Variants in OVCH1 observed in about 807,000 individuals in gnomAD.
OVCH1 encodes ovochymase-1.
A neutral mutation model predicts 138.4 loss-of-function variants in OVCH1; 139 were observed. The ratio of observed to expected loss-of-function variants is 1.00; its 90% CI spans 0.87 to 1.16. OVCH1 has a LOEUF of 1.16. Among genes scored for constraint, OVCH1 ranks in the 50% most tolerant of loss-of-function variants. The pLI, the probability that OVCH1 is intolerant of heterozygous loss-of-function variation, is 0.00. For synonymous variants in OVCH1, 453 were observed against 467.8 expected, an observed-to-expected ratio of 0.97 and a Z score of 0.41; for missense variants, 1,367 against 1,357.9, an observed-to-expected ratio of 1.01 and a Z score of -0.11.
chr12:29,459,492 G>A (rs7953181), intron 19 of OVCH1, among the ~76,000 whole-genome samples: 20,565 of 152,124 alleles, frequency 0.14, 1,381 homozygotes, highest in African/African-American at 0.14. Flanking sequence ...GCTGGGAAGT[G>A]TAGTGGGTGA....
intron 22 of OVCH1, among the ~76,000 whole-genome samples, chr12:29,449,276 T>TCC (rs1555144654): frequency 7.3e-6 from 1 of 137,340 alleles, no homozygotes. Flanking sequence ...CCCCCCTCCC[T>TCC]ACACACACAC....
chr12:29,428,166 C>T (rs1221607889), intron 27 of OVCH1, among the ~76,000 whole-genome samples: 1 of 152,104 alleles, frequency 6.6e-6, no homozygotes, highest in African/African-American at 2.4e-5. Flanking sequence ...CACCAAAATA[C>T]CACTCTCCTC....
At chr12:29,457,321 T>C (rs540909222) in intron 19 of OVCH1, among the ~76,000 whole-genome samples, 47 of 151,902 alleles carry the variant, frequency 3.1e-4, no homozygotes, top group Non-Finnish European at 1.2e-4. Context: ...ACCTGTTCAA[T>C]TTATCTCTTT....
chr12:29,426,927 T>A (rs952157540), downstream of OVCH1, among the ~76,000 whole-genome samples: 2 of 152,210 alleles, frequency 1.3e-5, no homozygotes, highest in African/African-American at 4.8e-5. Flanking sequence ...TTTTAACTAA[T>A]TTACATTTAA....
intron 22 of OVCH1, 107 bp from the exon 23 acceptor site, chr12:29,445,510 C>T (rs1941589834): frequency 6.2e-6 from 7 of 1,122,928 alleles, no homozygotes; most frequent in Non-Finnish European, 8.7e-6. Flanking sequence ...GGAATTGATT[C>T]CATTCTGTAA....
intron 3 of OVCH1, among the ~76,000 whole-genome samples, chr12:29,417,162 G>C (rs889947592): frequency 1.3e-5 from 2 of 152,048 alleles, no homozygotes; most frequent in African/African-American, 4.8e-5. Context: ...TGGTTGCCAG[G>C]GATCTGGGAA....
chr12:29,449,599 T>C (rs1941721121), intron 22 of OVCH1, among the ~76,000 whole-genome samples: 1 of 152,170 alleles, frequency 6.6e-6, no homozygotes, highest in South Asian at 2.1e-4. Flanking sequence ...CTTGTATTCC[T>C]AGGTATTTTA....
At chr12:29,488,092 C>G (rs1943164325) in intron 6 of OVCH1, among the ~76,000 whole-genome samples, 1 of 152,010 alleles carries the variant, frequency 6.6e-6, no homozygotes. Context: ...GATAAAATCT[C>G]TTTATACCTA....
At chr12:29,429,875 A>C (rs999421811) in intron 27 of OVCH1, among the ~76,000 whole-genome samples, 2 of 152,238 alleles carry the variant, frequency 1.3e-5, no homozygotes, top group Non-Finnish European at 2.9e-5. Context: ...AGCATACTTT[A>C]TTAATTCCTA....
chr12:29,491,327 G>C, intron 4 of OVCH1, 135 bp from the exon 5 acceptor site: 1 of 729,438 alleles, frequency 1.4e-6, no homozygotes, highest in Non-Finnish European at 2.2e-6. Flanking sequence ...TTAAGTTTTG[G>C]CCCCTCCATA....
chr12:29,476,786 CACACACACA>C, intron 12 of OVCH1, among the ~76,000 whole-genome samples: 1 of 137,044 alleles, frequency 7.3e-6, no homozygotes, highest in South Asian at 2.4e-4. Flanking sequence ...CACACACACA[CACACACACA>C]CACACACACA....
downstream of OVCH1, chr12:29,423,413 A>G (rs1482564137): frequency 2.6e-6 from 1 of 388,058 alleles, no homozygotes; most frequent in East Asian, 7.3e-5. Flanking sequence ...CAAAAGAATG[A>G]TTGTCAGGAA....
intron 3 of OVCH1, among the ~76,000 whole-genome samples, chr12:29,414,317 C>T (rs1478755956): frequency 6.6e-6 from 1 of 152,136 alleles, no homozygotes; most frequent in African/African-American, 2.4e-5. Flanking sequence ...TAAGAGTGTC[C>T]AGCCTGCCAA....
At chr12:29,426,699 A>G (rs959704383), downstream of OVCH1, among the ~76,000 whole-genome samples, 2 of 152,162 alleles carry the variant, frequency 1.3e-5, no homozygotes, top group Non-Finnish European at 2.9e-5. Context: ...TCAATCCATC[A>G]GGAAATCCTC....
chr12:29,407,752 C>T (rs992703003), downstream of OVCH1, among the ~76,000 whole-genome samples: 2 of 151,758 alleles, frequency 1.3e-5, no homozygotes, highest in East Asian at 1.9e-4. Context: ...ATGCCTCCAG[C>T]TTTGTTCTTT....
At chr12:29,413,765 T>C (rs1940994464) in intron 3 of OVCH1, among the ~76,000 whole-genome samples, 1 of 152,218 alleles carries the variant, frequency 6.6e-6, no homozygotes, top group Non-Finnish European at 1.5e-5. Context: ...CTATCTGCTA[T>C]CCTGGATCAT....
chr12:29,414,653 T>C (rs1418213987), intron 3 of OVCH1, among the ~76,000 whole-genome samples: 23 of 152,330 alleles, frequency 1.5e-4, no homozygotes, highest in Admixed American at 1.4e-3. Flanking sequence ...TTTAGAACTA[T>C]GTCAAGAATC....
At chr12:29,421,764 G>C (rs1360837217) in intron 3 of OVCH1, among the ~76,000 whole-genome samples, 2 of 152,040 alleles carry the variant, frequency 1.3e-5, no homozygotes. Flanking sequence ...TAAAAACCAA[G>C]AGATGTTTTT....
At chr12:29,464,225 C>A (rs980131087) in intron 18 of OVCH1, among the ~76,000 whole-genome samples, 2 of 152,096 alleles carry the variant, frequency 1.3e-5, no homozygotes, top group Non-Finnish European at 2.9e-5. Flanking sequence ...GTGATAGAGA[C>A]CAGATGACCT....
Sources: allele counts gnomAD v4.1 joint callset (sites outside exome capture counted in the v4.1 genomes callset), GRCh38; gene constraint gnomAD v4.1.1; transcripts MANE v1.5; gene names NCBI Gene and HGNC (gene_info 2026-07-23, HGNC 2026-07-21).